Variants in SLU7 observed in about 807,000 individuals in gnomAD.
SLU7 encodes the protein pre-mRNA-splicing factor SLU7.
SLU7 carries 60 observed loss-of-function variants against 87.0 expected under a neutral mutation model. The ratio of observed to expected loss-of-function variants is 0.69; its 90% CI spans 0.56 to 0.86. SLU7 has a LOEUF of 0.86. SLU7 is among the 40% of genes least tolerant of loss of function. The pLI is 0.00. For missense variants in SLU7, 507 were observed against 686.6 expected (o/e 0.74, Z 2.92); for synonymous variants, 197 against 222.0 (o/e 0.89, Z 1.00).
In SLU7 at chr5:160,402,026, TCA is replaced by T. The variant is rs1164893365; in HGVS notation, c.*1257_*1258del. The T allele has an allele frequency of 3.9e-5, 6 of 152,190 alleles. No individual in the cohort carries two copies. The highest frequency in any genetic ancestry group is 2.1e-4 in the South Asian group (1 of 4,832). The allele number at this position is 152,190 out of a possible 1,614,324, so 9.4% of individuals were successfully genotyped here. On this transcript the variant is annotated 3_prime_UTR_variant, in exon 16 of 16. Transcript: ENST00000297151. ...ACTGATTCTACTGTCAGTATTATCT[TCA>T]CAGTGTTCTGAGAAGAGGCTTCAGG...
At chr5:160,409,887 T>C (rs955414777) in intron 6 of SLU7, among the ~76,000 whole-genome samples, 7 of 152,142 alleles carry the variant, frequency 4.6e-5, no homozygotes, top group Non-Finnish European at 1.5e-5. Context: ...GCCACACACA[T>C]ACACAAAAGA....
intron 2 of SLU7, 43 bp from the exon 3 acceptor site, chr5:160,414,515 G>A (rs755948801): frequency 7.5e-7 from 1 of 1,335,346 alleles, no homozygotes; most frequent in Non-Finnish European, 1.0e-6. Flanking sequence ...GGATAAAATT[G>A]GAAAATAATC....
rs1231334143 is a variant in SLU7 at position 160,402,152 on chromosome 5, AG to A, written c.*1132del. 6.6e-6 allele frequency: 1 copy of A among 152,250 alleles called. No individual in the cohort carries two copies. The highest frequency in any genetic ancestry group is 1.5e-5 in the Non-Finnish European group (1 of 68,042). 9.4% of individuals were successfully genotyped at this position (152,250 alleles called of 1,614,324 possible). On this transcript the variant is annotated 3_prime_UTR_variant, in exon 16 of 16. Coordinates refer to ENST00000297151, the MANE Select transcript of SLU7 (RefSeq NM_006425.5). ...GTTTTTTTGCAAATTTTACAAACAA[AG>A]TAACAGCTGCTGGCTATAAATATTA...
At chr5:160,414,608 A>G in intron 2 of SLU7, 136 bp from the exon 3 acceptor site, 1 of 484,128 alleles carries the variant, frequency 2.1e-6, no homozygotes, top group Non-Finnish European at 3.6e-6. Flanking sequence ...CAAGGTTGCT[A>G]TCTCTATACT....
At position 160,407,827 on chromosome 5, in the gene SLU7, TAAAG is replaced by T; in HGVS notation, c.918-18_918-15del. The T allele has an allele frequency of 1.3e-6, 2 of 1,597,400 alleles. No individual in the cohort carries two copies. The highest frequency in any genetic ancestry group is 2.2e-5 in the East Asian group (1 of 44,756). On this transcript the variant is annotated splice_polypyrimidine_tract_variant and intron_variant, in intron 9 of 15. Transcript: ENST00000297151. The surrounding 1 kb of genome is among the most constrained non-coding windows in gnomAD (Gnocchi z 4.2). ...GCATAACTCACTCTGTAAATACAAA[TAAAG>T]AAAATGTTTCAGAGATTGATTTAAG... is the stretch of plus-strand genomic sequence containing the variant.
chr5:160,418,687 T>C (rs1765556971), intron 1 of SLU7: 1 of 152,244 alleles, frequency 6.6e-6, no homozygotes, highest in Non-Finnish European at 1.5e-5. Context: ...TAAATTTTTC[T>C]GGCGAGGAAA....
intron 6 of SLU7, among the ~76,000 whole-genome samples, chr5:160,409,470 A>G (rs1765146433): frequency 6.6e-6 from 1 of 152,224 alleles, no homozygotes; most frequent in African/African-American, 2.4e-5. Context: ...ACGTGTATGT[A>G]TATATACTAT....
rs1327760748 is a variant in SLU7 at position 160,403,468 on chromosome 5, T to C, written c.1582-4A>G. 1.9e-6 allele frequency: 3 copies of C among 1,590,298 alleles called. No individual in the cohort carries two copies. The highest frequency in any genetic ancestry group is 1.1e-5 in the South Asian group (1 of 87,206). On this transcript the variant is annotated splice_region_variant and splice_polypyrimidine_tract_variant and intron_variant, in intron 15 of 15. Transcript: ENST00000297151. ...GGGCCTCCTCTGCGTTCAGTGCCTA[T>C]AGTGAGAGGAATAAAATGTGTATCA...
At chr5:160,409,462 G>A (rs1466505225) in intron 6 of SLU7, among the ~76,000 whole-genome samples, 2 of 152,062 alleles carry the variant, frequency 1.3e-5, no homozygotes, top group Non-Finnish European at 2.9e-5. Flanking sequence ...GCAGAAACAC[G>A]TGTATGTATA....
chr5:160,403,551 G>A, intron 15 of SLU7, 87 bp from the exon 16 acceptor site: 1 of 1,148,682 alleles, frequency 8.7e-7, no homozygotes. Flanking sequence ...ACACCCCACT[G>A]AATATGAACT....
chr5:160,414,587 G>C, intron 2 of SLU7, 115 bp from the exon 3 acceptor site: 1 of 562,382 alleles, frequency 1.8e-6, no homozygotes, highest in Middle Eastern at 4.8e-4. Context: ...GCAGTGGTAG[G>C]GGGAAGAGAA....
chr5:160,412,097 T>C (rs2113145871), intron 6 of SLU7, among the ~76,000 whole-genome samples: 2 of 152,336 alleles, frequency 1.3e-5, no homozygotes, highest in South Asian at 4.1e-4. Context: ...TCCCTGTTCC[T>C]GGACATTTAA....
chr5:160,408,890 TA>T (rs1561558343), intron 6 of SLU7, among the ~76,000 whole-genome samples, 193 bp from the exon 7 acceptor site: 1 of 147,666 alleles, frequency 6.8e-6, no homozygotes. Context: ...ATGTAACTTA[TA>T]AATAAGTATT....
chr5:160,403,491 T>A, intron 15 of SLU7, 27 bp from the exon 16 acceptor site: 2 of 1,556,628 alleles, frequency 1.3e-6, no homozygotes, highest in South Asian at 1.2e-5. Flanking sequence ...AAAATGTGTA[T>A]CACAGCTCTA....
In SLU7 at chr5:160,414,324, T is replaced by C; in HGVS notation, c.319A>G (p.Lys107Glu). The C allele has an allele frequency of 6.2e-7, 1 of 1,600,388 alleles. No individual in the cohort carries two copies. The highest frequency in any genetic ancestry group is 8.5e-7 in the Non-Finnish European group (1 of 1,175,282). ...TATACAGGTTGCCTACATACCTCTT[T>C]TACACCCCTCTTGTACCATTCTCCA... ...SSGEWYKRGVKENSIITKYRK... is the reference protein window; with the variant it reads ...SSGEWYKRGVEENSIITKYRK... Residue 107 changes from lysine to glutamate, a missense_variant, in exon 3 of 16, where the codon AAA (lysine) becomes GAA (glutamate). Transcript: ENST00000297151.
intron 15 of SLU7, among the ~76,000 whole-genome samples, chr5:160,404,145 C>T (rs1473587980): frequency 4.6e-5 from 7 of 152,170 alleles, no homozygotes; most frequent in African/African-American, 1.7e-4. Flanking sequence ...GGGCAGTTCA[C>T]CTGAGCTCAG....
chr5:160,409,633 G>T lies in SLU7; in HGVS notation c.640-936C>A, dbSNP rs1015885442. ...ATAAAGATGTATAAGAATGTGATGT[G>T]CAGTGTTGTATATGTGCAATGTTTT... On this transcript the variant is annotated intron_variant, in intron 6 of 15. Coordinates refer to ENST00000297151, the MANE Select transcript of SLU7 (RefSeq NM_006425.5). Among the ~76,000 whole-genome samples, 5 of 152,256 alleles carry T rather than the reference G, an allele frequency of 3.3e-5. No homozygotes were observed. The South Asian group carries it at 1.0e-3, about 32-fold the overall frequency.
Position 160,404,496 on chromosome 5 carries a change from G to A in SLU7, c.1525C>T (p.Arg509Ter), listed in dbSNP as rs1561553322. ...KKKKKKKKKH[R>*]KSSSDSDDEE... ...TCATCACTATCTGAACTGCTCTTTC[G>A]ATGCTTCTTCTTTTTCTTTTTCTTC... is the stretch of plus-strand genomic sequence containing the variant. The change falls in exon 15 of 16, where the codon CGA (arginine) becomes TGA (stop). Residue 509 changes from arginine to a stop codon, truncating the protein, a stop_gained. Coordinates refer to ENST00000297151, the MANE Select transcript of SLU7 (RefSeq NM_006425.5). LOFTEE classifies it high-confidence loss of function. 2 of 1,611,622 alleles carry A rather than the reference G, an allele frequency of 1.2e-6. No homozygotes were observed.
intron 7 of SLU7, 81 bp downstream of exon 7, chr5:160,408,569 G>T: frequency 1.4e-6 from 2 of 1,400,840 alleles, no homozygotes; most frequent in Non-Finnish European, 2.0e-6. Flanking sequence ...TTCTTTAAAA[G>T]CTATTATTAG....
Sources: gnomAD v4.1 joint callset for allele counts (sites outside exome capture counted in the v4.1 genomes callset) on GRCh38, gnomAD v4.1.1 for gene constraint, Gnocchi (gnomAD v3.1) non-coding constraint, MANE v1.5 for transcripts, NCBI Gene and HGNC (gene_info 2026-07-23, HGNC 2026-07-21) for gene names.